The following TCEA2 variants were observed in gnomAD, a reference collection of about 807,000 sequenced individuals.
TCEA2 encodes transcription elongation factor A2.
In TCEA2, 21 loss-of-function variants were observed where a neutral mutation model predicts 40.8. The ratio of observed to expected loss-of-function variants is 0.51; its 90% CI spans 0.36 to 0.74. The LOEUF is 0.74. Ranked by LOEUF, TCEA2 falls within the 30% of genes least tolerant of loss-of-function variation. TCEA2 has a pLI of 0.00. For missense variants in TCEA2, 326 were observed against 426.5 expected (o/e 0.76, Z 2.08); for synonymous variants, 165 against 162.7 (o/e 1.01, Z -0.11).
chr20:64,061,096 C>CTTTTTTT (rs71197441), upstream of TCEA2, among the ~76,000 whole-genome samples: 14 of 60,528 alleles, frequency 2.3e-4, 3 homozygotes, highest in Non-Finnish European at 2.0e-4. Context: ...CAGCCTGAGT[C>CTTTTTTT]TTTTTTTTTT....
At chr20:64,070,907 G>A (rs41310189) in intron 8 of TCEA2, among the ~76,000 whole-genome samples, 33 of 152,348 alleles carry the variant, frequency 2.2e-4, no homozygotes, top group East Asian at 1.5e-3. Flanking sequence ...CAGCCTGAAC[G>A]GAGGGCCCTC....
At chr20:64,065,295 G>T (rs1443770046) in intron 1 of TCEA2, among the ~76,000 whole-genome samples, 1 of 49,978 alleles carries the variant, frequency 2.0e-5, no homozygotes. Flanking sequence ...AGGGGCTGCA[G>T]CGTGAGCAGA....
Position 64,058,108 on chromosome 20 carries a change from G to A in TCEA2, c.-84+457G>A, listed in dbSNP as rs2059497784. Among the ~76,000 whole-genome samples, 2 of 152,212 alleles carry A rather than the reference G, an allele frequency of 1.3e-5. No homozygotes were observed. The highest frequency in any genetic ancestry group is 2.9e-5 in the Non-Finnish European group (2 of 68,026). On this transcript the variant is annotated intron_variant, in intron 1 of 10. Coordinates refer to the TCEA2 transcript ENST00000361317. The surrounding 1 kb of genome is among the most constrained non-coding windows in gnomAD (Gnocchi z 6.7). ...CCACGCAGGACTAGAGCATGTCAGG[G>A]TTCGGGGCTCCTGTCATAGCGGAGT...
At chr20:64,066,866 C>T in intron 2 of TCEA2, 49 bp from the exon 3 acceptor site, 2 of 1,568,672 alleles carry the variant, frequency 1.3e-6, no homozygotes, top group South Asian at 2.3e-5. Flanking sequence ...AGAATCTGAC[C>T]CCTAGGGTGG....
chr20:64,058,400 GC>G (rs1332579372), upstream of TCEA2, among the ~76,000 whole-genome samples: 1 of 152,226 alleles, frequency 6.6e-6, no homozygotes. This position sits in a 1 kb window ranked among gnomAD's most constrained non-coding sequence, Gnocchi z 6.7. Context: ...CCCGTCTGCA[GC>G]CTCTGTGGGC....
chr20:64,056,617 G>A (rs373991028), upstream of TCEA2, among the ~76,000 whole-genome samples: 14 of 152,218 alleles, frequency 9.2e-5, no homozygotes, highest in African/African-American at 1.4e-4. Context: ...GTTTGGCAGC[G>A]GGAGCCTTCC....
rs774355567 is a variant in TCEA2, at chr20:64,070,567, A to G, written c.751A>G (p.Thr251Ala). 9.9e-5 allele frequency: 160 copies of G among 1,613,636 alleles called. No homozygotes were observed. Among genetic ancestry groups the G allele is most frequent in the Non-Finnish European group, 1.3e-4 (150 of 1,179,958 alleles). Reference sequence around the variant, plus strand: ...CATCCGAGAGCACCAGATGGCCCGCACTGGCGGCACGCAGACAGACCTGTT... The same window carrying G: ...CATCCGAGAGCACCAGATGGCCCGCGCTGGCGGCACGCAGACAGACCTGTT... Reference protein sequence around the residue: ...EAIREHQMARTGGTQTDLFTC... With the variant: ...EAIREHQMARAGGTQTDLFTC... The change falls in exon 8 of 10, where the codon ACT (threonine) becomes GCT (alanine). Residue 251 changes from threonine to alanine, a missense_variant. Transcript: ENST00000343484.
In TCEA2 at chr20:64,066,615, C is replaced by A; in HGVS notation, c.135+77C>A. ...GGATGGCAGTTCTGAGGGCACCTGGCAGGGCTTCCCCACCCTCCCCACCAG... is the reference window on the plus strand; with the variant it reads ...GGATGGCAGTTCTGAGGGCACCTGGAAGGGCTTCCCCACCCTCCCCACCAG... On this transcript the variant is annotated intron_variant, in intron 2 of 9. Transcript: ENST00000343484. 4 of 1,526,438 alleles carry A rather than the reference C, an allele frequency of 2.6e-6. No individual in the cohort carries two copies. The South Asian group carries it at 3.4e-5, about 13-fold the overall frequency. The allele number at this position is 1,526,438 out of a possible 1,614,324, so 94.6% of individuals were successfully genotyped here.
At chr20:64,056,913 G>A (rs992785582), upstream of TCEA2, 4 of 152,236 alleles carry the variant, frequency 2.6e-5, no homozygotes, top group African/African-American at 7.2e-5. Flanking sequence ...CCTCAGGACA[G>A]GGCCCCGTTG....
upstream of TCEA2, among the ~76,000 whole-genome samples, chr20:64,058,222 G>A (rs1402459566): frequency 2.0e-5 from 3 of 152,136 alleles, no homozygotes. This position sits in a 1 kb window ranked among gnomAD's most constrained non-coding sequence, Gnocchi z 6.7. Flanking sequence ...TCCATCACCT[G>A]CCCCTGCCAT....
At chr20:64,060,562 G>A (rs908645744), upstream of TCEA2, among the ~76,000 whole-genome samples, 4 of 152,110 alleles carry the variant, frequency 2.6e-5, no homozygotes, top group African/African-American at 9.7e-5. Context: ...CCTCTGATGA[G>A]GCTGGACCCT....
At chr20:64,058,828 T>C (rs1197491328), upstream of TCEA2, among the ~76,000 whole-genome samples, 1 of 152,170 alleles carries the variant, frequency 6.6e-6, no homozygotes, top group Non-Finnish European at 1.5e-5. The surrounding 1 kb of genome is among the most constrained non-coding windows in gnomAD (Gnocchi z 6.7). Flanking sequence ...CGGGCCCAGC[T>C]GACCAGATTT....
At chr20:64,063,079 G>A (rs971236871), upstream of TCEA2, 13 of 271,766 alleles carry the variant, frequency 4.8e-5, no homozygotes, top group East Asian at 8.7e-4. Context: ...CGTGGCGCCT[G>A]GGAGTTGTGG....
intron 1 of TCEA2, 53 bp downstream of exon 1, chr20:64,063,437 G>A (rs1191933459): frequency 6.5e-7 from 1 of 1,531,676 alleles, no homozygotes; most frequent in African/African-American, 1.4e-5. Context: ...CCGAGACCCC[G>A]TCGAGCCCGC....
chr20:64,061,705 C>G (rs2059568227), upstream of TCEA2, among the ~76,000 whole-genome samples: 1 of 152,038 alleles, frequency 6.6e-6, no homozygotes. Flanking sequence ...GCTACTGTGC[C>G]CAACCAAGAT....
At chr20:64,069,675 G>A (rs2059781471) in intron 5 of TCEA2, 90 bp from the exon 6 acceptor site, 6 of 1,549,726 alleles carry the variant, frequency 3.9e-6, no homozygotes, top group Admixed American at 1.8e-5. Context: ...ACCCGGATGT[G>A]CCCTCTAAGC....
At position 64,069,305 on chromosome 20, in the gene TCEA2, T is replaced by C. The variant is rs1468875731; in HGVS notation, c.330-56T>C. On this transcript the variant is annotated intron_variant, in intron 4 of 9. Transcript: ENST00000343484. ...ACCTGCTGCTTCTAGGACCAGTGTCTCGCTGGGGTGCCTGCAGCCTTGAGT... is the reference window on the plus strand; with the variant it reads ...ACCTGCTGCTTCTAGGACCAGTGTCCCGCTGGGGTGCCTGCAGCCTTGAGT... 3.3e-6 allele frequency: 5 copies of C among 1,515,036 alleles called. No individual in the cohort carries two copies. In the African/African-American group the frequency reaches 6.9e-5, roughly 21 times the overall value. 93.8% of individuals were successfully genotyped at this position (1,515,036 alleles called of 1,614,324 possible).
chr20:64,058,365 T>TC (rs1269975347), upstream of TCEA2, among the ~76,000 whole-genome samples: 1 of 152,228 alleles, frequency 6.6e-6, no homozygotes, highest in African/African-American at 2.4e-5. The surrounding 1 kb of genome is among the most constrained non-coding windows in gnomAD (Gnocchi z 6.7). Flanking sequence ...CCGTTGTCCT[T>TC]AAGACGCCAC....
At chr20:64,072,061 G>T (rs2145523544) in intron 9 of TCEA2, 111 bp from the exon 10 acceptor site, 1 of 1,595,862 alleles carries the variant, frequency 6.3e-7, no homozygotes, top group East Asian at 2.2e-5. Context: ...CCTCCTGGGA[G>T]TCTTGGGCAT....
Sources: allele counts gnomAD v4.1 joint callset (sites outside exome capture counted in the v4.1 genomes callset), GRCh38; gene constraint gnomAD v4.1.1; non-coding constraint Gnocchi (gnomAD v3.1); transcripts MANE v1.5; gene names NCBI Gene and HGNC (gene_info 2026-07-23, HGNC 2026-07-21).